Variants in ZMYND8 observed in about 807,000 individuals in gnomAD.
ZMYND8 encodes the protein zinc finger MYND-type containing 8.
ZMYND8 carries 37 observed loss-of-function variants against 140.8 expected under a neutral mutation model. The ratio of observed to expected loss-of-function variants is 0.26; its 90% CI spans 0.20 to 0.35. The LOEUF (loss-of-function observed/expected upper bound fraction) is 0.35. Among genes scored for constraint, ZMYND8 ranks in the 10% least tolerant of loss-of-function variants. ZMYND8 has a pLI of 1.00. For missense variants in ZMYND8, 1,068 were observed against 1,570.0 expected (o/e 0.68, Z 5.40); for synonymous variants, 592 against 597.1 (o/e 0.99, Z 0.12).
chr20:47,314,061 C>T (rs572940795), intron 2 of ZMYND8, among the ~76,000 whole-genome samples: 1 of 152,118 alleles, frequency 6.6e-6, no homozygotes, highest in African/African-American at 2.4e-5. Context: ...CACAAAAGTA[C>T]AACAAAGCTC....
intron 21 of ZMYND8, among the ~76,000 whole-genome samples, chr20:47,216,971 T>C (rs569450867): frequency 3.6e-4 from 55 of 152,162 alleles, no homozygotes; most frequent in Non-Finnish European, 6.8e-4. Context: ...TTGTGTAACA[T>C]TCTCCAGTTA....
At chr20:47,305,997 C>T (rs2078450526) in intron 3 of ZMYND8, among the ~76,000 whole-genome samples, 2 of 152,186 alleles carry the variant, frequency 1.3e-5, no homozygotes, top group South Asian at 4.1e-4. Context: ...CTCAAACCTT[C>T]CTAAGGGGTG....
intron 15 of ZMYND8, 179 bp downstream of exon 15, chr20:47,238,579 G>C: frequency 1.7e-6 from 2 of 1,191,660 alleles, no homozygotes; most frequent in Non-Finnish European, 2.3e-6. Flanking sequence ...AAGTAAAAAA[G>C]CAAGTAGCAA....
In ZMYND8 at chr20:47,352,056, A is replaced by G. The variant is rs183129649; in HGVS notation, c.15-4130T>C. 3.7e-3 allele frequency: 3,570 copies of G among 961,734 alleles called. 8 individuals are homozygous for G. The highest frequency in any genetic ancestry group is 4.2e-3 in the Non-Finnish European group (3,394 of 808,460). 59.6% of individuals were successfully genotyped at this position (961,734 alleles called of 1,614,324 possible). ...CTGTGATGAGGCCCCCTTGCCCTCAAATTAGGTGGGTAGAAGGTTAGGAAT... is the reference window on the plus strand; with the variant it reads ...CTGTGATGAGGCCCCCTTGCCCTCAGATTAGGTGGGTAGAAGGTTAGGAAT... On this transcript the variant is annotated intron_variant, in intron 1 of 22. Transcript: ENST00000471951.
chr20:47,309,545 G>C (rs1353751447), intron 3 of ZMYND8, among the ~76,000 whole-genome samples: 1 of 152,094 alleles, frequency 6.6e-6, no homozygotes, highest in Non-Finnish European at 1.5e-5. Context: ...TTGACCTCGT[G>C]ATCGACCTGC....
At chr20:47,330,055 G>A (rs6012158) in intron 2 of ZMYND8, among the ~76,000 whole-genome samples, 12,477 of 152,190 alleles carry the variant, frequency 0.082, 554 homozygotes, top group Middle Eastern at 0.14. Context: ...CTTCTCTGTG[G>A]GAGACTGTAA....
intron 12 of ZMYND8, among the ~76,000 whole-genome samples, chr20:47,259,997 G>A (rs1003785016): frequency 2.0e-5 from 3 of 152,288 alleles, no homozygotes; most frequent in East Asian, 1.9e-4. Context: ...ACCTAGGGGT[G>A]TAACAGCTGC....
intron 4 of ZMYND8, among the ~76,000 whole-genome samples, chr20:47,296,782 C>G (rs1293566541): frequency 6.6e-6 from 1 of 151,312 alleles, no homozygotes; most frequent in African/African-American, 2.4e-5. Flanking sequence ...ATAGCAAGAC[C>G]CTGTCTCTAC....
intron 16 of ZMYND8, among the ~76,000 whole-genome samples, chr20:47,235,706 C>CA (rs199680083): frequency 0.078 from 8,398 of 107,352 alleles, 676 homozygotes; most frequent in African/African-American, 0.23. Context: ...GACTCCATCT[C>CA]AAAAAAAAAA....
At chr20:47,251,212 T>C (rs59644491) in intron 12 of ZMYND8, among the ~76,000 whole-genome samples, 3,113 of 152,220 alleles carry the variant, frequency 0.02, 116 homozygotes, top group African/African-American at 0.071. Flanking sequence ...TGCACACTTA[T>C]CAGGGCTTTA....
chr20:47,242,886 G>GA (rs1048610280), intron 14 of ZMYND8, among the ~76,000 whole-genome samples: 35 of 151,920 alleles, frequency 2.3e-4, no homozygotes, highest in African/African-American at 8.0e-4. Context: ...CCTGTAGCGG[G>GA]AAAAAAAGGG....
In ZMYND8 at chr20:47,337,123, G is replaced by A. The variant is rs558792807; in HGVS notation, c.85+10733C>T. Among the ~76,000 whole-genome samples, 45 of 151,820 alleles carry A rather than the reference G, an allele frequency of 3.0e-4. No homozygotes were observed. The South Asian group carries it at 5.0e-3, about 17-fold the overall frequency. On this transcript the variant is annotated intron_variant, in intron 2 of 22. Transcript: ENST00000471951. Reference sequence around the variant, plus strand: ...TCCCAGCACTTTGGGAGGCCAAGGCGGGTGGATCACCTGAGGTCAGGAATT... The same window carrying A: ...TCCCAGCACTTTGGGAGGCCAAGGCAGGTGGATCACCTGAGGTCAGGAATT...
intron 6 of ZMYND8, among the ~76,000 whole-genome samples, chr20:47,290,854 C>A (rs1035424422): frequency 6.6e-6 from 1 of 151,940 alleles, no homozygotes; most frequent in Non-Finnish European, 1.5e-5. Flanking sequence ...GCCTCCCAAA[C>A]TGCTGGGATT....
intron 2 of ZMYND8, among the ~76,000 whole-genome samples, chr20:47,329,513 T>C (rs1255841393): frequency 1.3e-5 from 2 of 152,240 alleles, no homozygotes; most frequent in Middle Eastern, 3.4e-3. Context: ...CAAGCGATTC[T>C]CCAGCCTCAT....
At chr20:47,316,279 C>T (rs2079389929) in intron 2 of ZMYND8, among the ~76,000 whole-genome samples, 1 of 149,290 alleles carries the variant, frequency 6.7e-6, no homozygotes, top group African/African-American at 2.5e-5. Flanking sequence ...TGCAGTAAGC[C>T]GAGATCATGC....
At chr20:47,324,902 ATTATTTT>A (rs371346723) in intron 2 of ZMYND8, among the ~76,000 whole-genome samples, 2 of 152,098 alleles carry the variant, frequency 1.3e-5, no homozygotes, top group African/African-American at 4.8e-5. Flanking sequence ...ATAGGTGAAA[ATTATTTT>A]TTATTTTTTA....
At chr20:47,264,657 C>G (rs2075378176) in intron 11 of ZMYND8, among the ~76,000 whole-genome samples, 1 of 141,882 alleles carries the variant, frequency 7.0e-6, no homozygotes, top group Non-Finnish European at 1.6e-5. Context: ...ATGCCACATT[C>G]CTTCACTGGG....
At chr20:47,255,761 TATACG>T (rs2074636861) in intron 12 of ZMYND8, among the ~76,000 whole-genome samples, 1 of 98,284 alleles carries the variant, frequency 1.0e-5, no homozygotes, top group African/African-American at 5.2e-5. Flanking sequence ...TATATATATA[TATACG>T]GTATATATAT....
chr20:47,325,228 T>G (rs2148396410), intron 2 of ZMYND8, among the ~76,000 whole-genome samples: 1 of 152,270 alleles, frequency 6.6e-6, no homozygotes, highest in East Asian at 1.9e-4. Context: ...TATCAAAAAT[T>G]ATTTTCCTCT....
Sources: allele counts gnomAD v4.1 joint callset (sites outside exome capture counted in the v4.1 genomes callset), GRCh38; gene constraint gnomAD v4.1.1; transcripts MANE v1.5; gene names NCBI Gene and HGNC (gene_info 2026-07-23, HGNC 2026-07-21).